The following LOC128462377 variants were observed in gnomAD, a reference collection of about 807,000 sequenced individuals.
the LOC128462377 span, among the ~76,000 whole-genome samples, chr16:89,333,495 T>C: frequency 3.3e-5 from 5 of 152,172 alleles, no homozygotes; most frequent in East Asian, 9.6e-4. Flanking sequence ...CTGCCCCAGG[T>C]CCCCCGTGTT....
the LOC128462377 span, among the ~76,000 whole-genome samples, chr16:89,416,524 C>T: frequency 6.6e-6 from 1 of 152,202 alleles, no homozygotes; most frequent in Non-Finnish European, 1.5e-5. Flanking sequence ...TCTGGAACTC[C>T]TGGCCTCAAG....
At chr16:89,379,916 C>G in the LOC128462377 span, among the ~76,000 whole-genome samples, 1 of 152,096 alleles carries the variant, frequency 6.6e-6, no homozygotes, top group Non-Finnish European at 1.5e-5. Context: ...AGACACTGAC[C>G]TTTTCAGTTT....
At chr16:89,410,313 T>C in the LOC128462377 span, among the ~76,000 whole-genome samples, 2 of 152,164 alleles carry the variant, frequency 1.3e-5, no homozygotes, top group Non-Finnish European at 2.9e-5. Context: ...CCACCAGGAT[T>C]TGATATTTAG....
chr16:89,409,736 G>T, the LOC128462377 span, among the ~76,000 whole-genome samples: 7 of 152,232 alleles, frequency 4.6e-5, no homozygotes, highest in South Asian at 1.2e-3. Context: ...GTATTACTAG[G>T]CCAAAATATC....
chr16:89,348,349 G>C, the LOC128462377 span, among the ~76,000 whole-genome samples: 1 of 152,154 alleles, frequency 6.6e-6, no homozygotes, highest in African/African-American at 2.4e-5. Flanking sequence ...GAACTTCTGA[G>C]ATAAACCCCG....
At chr16:89,340,195 C>A in the LOC128462377 span, among the ~76,000 whole-genome samples, 1 of 152,246 alleles carries the variant, frequency 6.6e-6, no homozygotes, top group African/African-American at 2.4e-5. Flanking sequence ...TGTAAAATAT[C>A]TGATGAAATG....
the LOC128462377 span, among the ~76,000 whole-genome samples, chr16:89,400,031 C>A: frequency 5.3e-3 from 455 of 86,558 alleles, no homozygotes; most frequent in South Asian, 8.2e-3. Context: ...GCGCTGGAGG[C>A]CGGTCATCTG....
At chr16:89,347,107 G>A in the LOC128462377 span, among the ~76,000 whole-genome samples, 1 of 152,176 alleles carries the variant, frequency 6.6e-6, no homozygotes, top group African/African-American at 2.4e-5. Flanking sequence ...TCCTAGGCCC[G>A]TGGAGGTGTC....
chr16:89,331,114 C>T, the LOC128462377 span, among the ~76,000 whole-genome samples: 2 of 151,978 alleles, frequency 1.3e-5, no homozygotes, highest in East Asian at 1.9e-4. Context: ...CCACCATGCC[C>T]GGCTAATTTT....
the LOC128462377 span, chr16:89,323,237 G>C: frequency 0.96 from 1,140,890 of 1,193,146 alleles, 545,702 homozygotes; most frequent in East Asian, 1. Flanking sequence ...AAAGAAAAAA[G>C]GAGAAAAGGA....
chr16:89,402,871 C>A, the LOC128462377 span, among the ~76,000 whole-genome samples: 2 of 151,722 alleles, frequency 1.3e-5, no homozygotes, highest in African/African-American at 2.4e-5. Flanking sequence ...GCAGACCCTC[C>A]AGGCTCTCCC....
At chr16:89,353,756 A>G in the LOC128462377 span, among the ~76,000 whole-genome samples, 19 of 152,236 alleles carry the variant, frequency 1.2e-4, no homozygotes, top group African/African-American at 4.6e-4. Flanking sequence ...CTGGGATTAC[A>G]GGCGTGAGCC....
the LOC128462377 span, among the ~76,000 whole-genome samples, chr16:89,345,123 T>A: frequency 6.6e-6 from 1 of 151,908 alleles, no homozygotes; most frequent in East Asian, 1.9e-4. Flanking sequence ...CACTAAAATC[T>A]GGGAGCATCC....
At chr16:89,370,133 T>A in the LOC128462377 span, among the ~76,000 whole-genome samples, 1 of 152,174 alleles carries the variant, frequency 6.6e-6, no homozygotes, top group Non-Finnish European at 1.5e-5. Flanking sequence ...TGGAAAAGGA[T>A]CAGACTCAGT....
At chr16:89,416,590 G>GCACA in the LOC128462377 span, among the ~76,000 whole-genome samples, 2 of 151,986 alleles carry the variant, frequency 1.3e-5, no homozygotes, top group Non-Finnish European at 2.9e-5. Context: ...GAGCCACTGT[G>GCACA]CCTGGCCACT....
the LOC128462377 span, among the ~76,000 whole-genome samples, chr16:89,335,149 C>A: frequency 1.3e-5 from 2 of 152,210 alleles, no homozygotes; most frequent in Non-Finnish European, 2.9e-5. Flanking sequence ...CCATGTCCGG[C>A]CTGTGGGGGC....
At chr16:89,382,975 G>C in the LOC128462377 span, among the ~76,000 whole-genome samples, 2 of 152,078 alleles carry the variant, frequency 1.3e-5, no homozygotes, top group African/African-American at 2.4e-5. Flanking sequence ...CGAGGAGCTG[G>C]GATTACAGGC....
At chr16:89,355,752 G>T in the LOC128462377 span, among the ~76,000 whole-genome samples, 1 of 152,240 alleles carries the variant, frequency 6.6e-6, no homozygotes, top group African/African-American at 2.4e-5. Flanking sequence ...GGCAGGTCTT[G>T]TGTTACTGAG....
the LOC128462377 span, among the ~76,000 whole-genome samples, chr16:89,367,349 G>A: frequency 2.0e-5 from 3 of 152,376 alleles, no homozygotes; most frequent in African/African-American, 4.8e-5. Flanking sequence ...GCGGCGCCCA[G>A]AGCGGCAGAC....
Sources: allele counts gnomAD v4.1 joint callset (sites outside exome capture counted in the v4.1 genomes callset), GRCh38; gene constraint gnomAD v4.1.1; transcripts MANE v1.5.